The following SYT9 variants were observed in gnomAD, a reference collection of about 807,000 sequenced individuals.
SYT9 encodes the protein synaptotagmin 9, also known as synaptotagmin-9.
In SYT9, 22 loss-of-function variants were observed where a neutral mutation model predicts 48.4. That is an observed-to-expected ratio of 0.45 (90% confidence interval 0.32 to 0.65). The LOEUF (loss-of-function observed/expected upper bound fraction) is 0.65, where lower values mean the gene tolerates loss of function less well. SYT9 is among the 30% of genes least tolerant of loss of function. The probability of loss-of-function intolerance (pLI) is 0.03; values close to 1 mark genes in which losing one functional copy is unlikely to be tolerated. For missense variants in SYT9, 577 were observed against 622.0 expected, an observed-to-expected ratio of 0.93 and a Z score of 0.77; for synonymous variants, 265 against 245.0, an observed-to-expected ratio of 1.08 and a Z score of -0.76.
intron 3 of SYT9, among the ~76,000 whole-genome samples, chr11:7,383,300 C>T (rs1006304320): frequency 6.6e-6 from 1 of 152,146 alleles, no homozygotes; most frequent in Non-Finnish European, 1.5e-5. Flanking sequence ...GAAAGAGGCT[C>T]TGTAAGTACA....
In SYT9 at chr11:7,252,280, G is replaced by T; in HGVS notation, c.94G>T (p.Asp32Tyr). 1.3e-6 allele frequency: 2 copies of T among 1,513,956 alleles called. No individual in the cohort carries two copies. The highest frequency in any genetic ancestry group is 2.2e-5 in the Admixed American group (1 of 46,404). 93.8% of individuals were successfully genotyped at this position (1,513,956 alleles called of 1,614,324 possible). Residue 32 changes from aspartate (D) to tyrosine (Y), a missense_variant, in exon 1 of 7, where the codon GAT (aspartate) becomes TAT (tyrosine). By Grantham distance (160) the Asp-to-Tyr change is radical. Coordinates refer to ENST00000318881, the MANE Select transcript of SYT9 (RefSeq NM_175733.4). This position sits in a 1 kb window ranked among gnomAD's most constrained non-coding sequence, Gnocchi z 6.3. ...RGALEHDSCQDFIYHLRDRAR... is the reference protein window; with the variant it reads ...RGALEHDSCQYFIYHLRDRAR... ...GGCCCTGGAGCACGACAGCTGCCAG[G>T]ATTTCATTTACCACCTGCGGGACCG...
chr11:7,306,783 TG>T lies in SYT9; in HGVS notation c.497+3394del, dbSNP rs534051598. Among the ~76,000 whole-genome samples the T allele has an allele frequency of 5.7e-3, 875 of 152,314 alleles. 4 individuals are homozygous for T. The highest frequency in any genetic ancestry group is 7.7e-3 in the Non-Finnish European group (525 of 68,012). ...ACTTTAATTCTCCCTCGCATTGCCTTGTTTTCATGCCTTCACAGGATTAAAT... is the reference window on the plus strand; with the variant it reads ...ACTTTAATTCTCCCTCGCATTGCCTTTTTTCATGCCTTCACAGGATTAAAT... On this transcript the variant is annotated intron_variant, in intron 2 of 6. Transcript: ENST00000318881.
intron 3 of SYT9, among the ~76,000 whole-genome samples, chr11:7,366,170 C>A (rs7937079): frequency 2.0e-5 from 3 of 151,962 alleles, no homozygotes; most frequent in Admixed American, 1.3e-4. Flanking sequence ...CTCTCTATGG[C>A]TAGCAATTTC....
At chr11:7,366,497 A>G (rs1850246718) in intron 3 of SYT9, among the ~76,000 whole-genome samples, 1 of 152,222 alleles carries the variant, frequency 6.6e-6, no homozygotes, top group African/African-American at 2.4e-5. Flanking sequence ...TAATTAATGG[A>G]CATCCACATC....
At chr11:7,387,067 G>A (rs188579893) in intron 3 of SYT9, among the ~76,000 whole-genome samples, 8 of 152,130 alleles carry the variant, frequency 5.3e-5, no homozygotes, top group South Asian at 4.1e-4. Flanking sequence ...CAAACACTGC[G>A]TGTTCTCACT....
intron 1 of SYT9, among the ~76,000 whole-genome samples, chr11:7,261,076 C>A (rs1848069697): frequency 6.6e-6 from 1 of 152,204 alleles, no homozygotes; most frequent in Non-Finnish European, 1.5e-5. Flanking sequence ...ATTGTGTGTA[C>A]AGGGTCTGCC....
chr11:7,354,115 A>G lies in SYT9; in HGVS notation c.1044+40174A>G, dbSNP rs117379677. Among the ~76,000 whole-genome samples, 145 of 152,338 alleles carry G rather than the reference A, an allele frequency of 9.5e-4. 3 individuals carry two copies. The East Asian group carries it at 0.022, about 23-fold the overall frequency. On this transcript the variant is annotated intron_variant, in intron 3 of 6. Coordinates refer to ENST00000318881, the MANE Select transcript of SYT9 (RefSeq NM_175733.4). The stretch of plus-strand genomic sequence containing the variant: ...AAAGAGGGTACCTGTGTCCATCTTT[A>G]TGTTCACTTTGAGTAGACTTTATTT...
intron 2 of SYT9, among the ~76,000 whole-genome samples, chr11:7,308,525 T>C (rs1849073637): frequency 6.6e-6 from 1 of 152,232 alleles, no homozygotes; most frequent in African/African-American, 2.4e-5. Context: ...GAAAGTCCCA[T>C]TCTGCTAGAG....
intron 6 of SYT9, among the ~76,000 whole-genome samples, chr11:7,455,926 G>C (rs1205647628): frequency 1.3e-5 from 2 of 152,170 alleles, no homozygotes; most frequent in African/African-American, 4.8e-5. Context: ...CCCAGCAGGT[G>C]CCCAAGAAGG....
chr11:7,325,418 G>A (rs1849414561), intron 3 of SYT9, among the ~76,000 whole-genome samples: 1 of 131,900 alleles, frequency 7.6e-6, no homozygotes, highest in Admixed American at 8.1e-5. Context: ...CTGTTTGTCT[G>A]TTGTTGGTGT....
At chr11:7,273,446 A>T (rs907344018) in intron 1 of SYT9, among the ~76,000 whole-genome samples, 4 of 152,066 alleles carry the variant, frequency 2.6e-5, no homozygotes, top group African/African-American at 9.7e-5. Flanking sequence ...TAGCCAAGAG[A>T]GCAAAGTTTA....
At chr11:7,346,573 A>G (rs185415624) in intron 3 of SYT9, among the ~76,000 whole-genome samples, 5 of 152,360 alleles carry the variant, frequency 3.3e-5, no homozygotes, top group Admixed American at 2.0e-4. Context: ...TACTGAGCAT[A>G]TGGAAGAGCC....
At chr11:7,414,612 C>A (rs959515931) in intron 3 of SYT9, among the ~76,000 whole-genome samples, 6 of 152,192 alleles carry the variant, frequency 3.9e-5, no homozygotes, top group African/African-American at 7.2e-5. Context: ...ACATGGGTCC[C>A]TTGAGGTCAT....
chr11:7,463,758 A>T (rs1304318453), intron 6 of SYT9, among the ~76,000 whole-genome samples: 1 of 152,110 alleles, frequency 6.6e-6, no homozygotes, highest in African/African-American at 2.4e-5. Flanking sequence ...GAGCCCAGAA[A>T]ACTCACCCAA....
intron 1 of SYT9, among the ~76,000 whole-genome samples, chr11:7,245,636 T>G (rs1160478989): frequency 6.6e-6 from 1 of 152,054 alleles, no homozygotes; most frequent in Non-Finnish European, 1.5e-5. Context: ...AATTCTGGAG[T>G]CTGGGAAGTC....
At chr11:7,432,569 AAAAAAAAAAAAAAATATATATACATATAT>A (rs1847607658) in intron 6 of SYT9, among the ~76,000 whole-genome samples, 1 of 13,618 alleles carries the variant, frequency 7.3e-5, no homozygotes, top group Non-Finnish European at 1.2e-4. Context: ...AAAAAAAAAA[AAAAAAAAAAAAAAATATATATACATATAT>A]ATATATATAT....
intron 6 of SYT9, among the ~76,000 whole-genome samples, chr11:7,436,724 C>T (rs575572269): frequency 6.6e-6 from 1 of 152,272 alleles, no homozygotes; most frequent in South Asian, 2.1e-4. Context: ...CTACTGTGAT[C>T]GAAGCAGACA....
At chr11:7,395,180 C>T (rs1243369049) in intron 3 of SYT9, among the ~76,000 whole-genome samples, 1 of 152,034 alleles carries the variant, frequency 6.6e-6, no homozygotes, top group East Asian at 1.9e-4. Flanking sequence ...CCACTATTTT[C>T]CCCATTTTAT....
chr11:7,301,826 C>A (rs1848925346), intron 1 of SYT9, among the ~76,000 whole-genome samples: 1 of 152,186 alleles, frequency 6.6e-6, no homozygotes, highest in South Asian at 2.1e-4. Flanking sequence ...AAGGATTTTA[C>A]AGCCACCATA....
Sources: gnomAD v4.1 joint callset for allele counts (sites outside exome capture counted in the v4.1 genomes callset) on GRCh38, gnomAD v4.1.1 for gene constraint, Gnocchi (gnomAD v3.1) non-coding constraint, MANE v1.5 for transcripts, NCBI Gene and HGNC (gene_info 2026-07-23, HGNC 2026-07-21) for gene names.